Variants in FARS2 observed in about 807,000 individuals in gnomAD.
The protein encoded by FARS2 is phenylalanine--tRNA ligase, mitochondrial.
Under a neutral mutation model 46.4 loss-of-function variants are expected in FARS2, and 40 were observed. The observed-to-expected ratio is 0.86, with a 90% CI of 0.67 to 1.12. The LOEUF (loss-of-function observed/expected upper bound fraction) is 1.12, where lower values mean the gene tolerates loss of function less well. FARS2 is among the 50% of genes most tolerant of loss of function. The pLI is 0.00. For synonymous variants in FARS2, 234 were observed against 214.9 expected, an observed-to-expected ratio of 1.09 and a Z score of -0.78; for missense variants, 513 against 567.9, an observed-to-expected ratio of 0.90 and a Z score of 0.98.
intron 6 of FARS2, among the ~76,000 whole-genome samples, chr6:5,741,625 C>T (rs1472454285): frequency 3.9e-5 from 6 of 152,118 alleles, no homozygotes; most frequent in African/African-American, 1.4e-4. Flanking sequence ...GGCCTGGCTG[C>T]GCTGAAGGAC....
chr6:5,480,520 T>A (rs1284049814), intron 4 of FARS2, among the ~76,000 whole-genome samples: 1 of 152,258 alleles, frequency 6.6e-6, no homozygotes, highest in Non-Finnish European at 1.5e-5. Flanking sequence ...ATGGCATACC[T>A]GTTTTAGTAA....
chr6:5,494,123 T>G (rs1280179287), intron 4 of FARS2, among the ~76,000 whole-genome samples: 93 of 142,856 alleles, frequency 6.5e-4, no homozygotes, highest in African/African-American at 1.7e-3. Context: ...TCCTTTTTTT[T>G]TTCTTTTTTT....
chr6:5,580,892 T>C (rs1435946126), intron 5 of FARS2, among the ~76,000 whole-genome samples: 3 of 152,220 alleles, frequency 2.0e-5, no homozygotes, highest in Non-Finnish European at 4.4e-5. Flanking sequence ...GTGGAAGACA[T>C]AGGTTGCCAA....
intron 6 of FARS2, among the ~76,000 whole-genome samples, chr6:5,631,007 C>T (rs941818371): frequency 1.3e-5 from 2 of 152,166 alleles, no homozygotes; most frequent in Non-Finnish European, 2.9e-5. Context: ...ATTGCCTCCT[C>T]CAAAGGAGAA....
At chr6:5,562,966 G>T (rs771431645) in intron 5 of FARS2, among the ~76,000 whole-genome samples, 3 of 151,886 alleles carry the variant, frequency 2.0e-5, no homozygotes, top group Non-Finnish European at 2.9e-5. Context: ...ACCACGCCCA[G>T]CTAATTTTTG....
At chr6:5,687,630 G>T (rs980117160) in intron 6 of FARS2, among the ~76,000 whole-genome samples, 2 of 152,116 alleles carry the variant, frequency 1.3e-5, no homozygotes, top group Non-Finnish European at 1.5e-5. Context: ...AGTCAGGTAG[G>T]GTGATACCTC....
chr6:5,517,086 CT>C (rs1474610141), intron 4 of FARS2, among the ~76,000 whole-genome samples: 1 of 152,058 alleles, frequency 6.6e-6, no homozygotes, highest in African/African-American at 2.4e-5. Flanking sequence ...AGAAGAGTGT[CT>C]GCGTTTCGCA....
chr6:5,252,190 T>A, the FARS2 span, among the ~76,000 whole-genome samples: 1 of 152,190 alleles, frequency 6.6e-6, no homozygotes, highest in Non-Finnish European at 1.5e-5. Context: ...CAGGTTGATG[T>A]TTCTACAGAT....
At chr6:5,341,227 ATATATATATTTTTTTTTTTT>A (rs1176592004) in intron 1 of FARS2, among the ~76,000 whole-genome samples, 4 of 4,650 alleles carry the variant, frequency 8.6e-4, no homozygotes, top group African/African-American at 3.8e-3. Flanking sequence ...ATATATATAT[ATATATATATTTTTTTTTTTT>A]TTTTTTTTTT....
At chr6:5,566,346 AACTCTC>A (rs1772322701) in intron 5 of FARS2, among the ~76,000 whole-genome samples, 1 of 152,072 alleles carries the variant, frequency 6.6e-6, no homozygotes, top group East Asian at 1.9e-4. Flanking sequence ...TACACACCAA[AACTCTC>A]ACAATGCGAA....
In FARS2 at chr6:5,434,404, G is replaced by A. The variant is rs182884212; in HGVS notation, c.904+3232G>A. Among the ~76,000 whole-genome samples the A allele has an allele frequency of 1.2e-3, 178 of 152,174 alleles. 1 individual carries two copies. Among genetic ancestry groups the A allele is most frequent in the African/African-American group, 3.9e-3 (163 of 41,524 alleles). On this transcript the variant is annotated intron_variant, in intron 4 of 6. Coordinates refer to ENST00000274680, the MANE Select transcript of FARS2 (RefSeq NM_006567.5). ...TAGGATTACAGGCATGAGCCACTGC[G>A]CCCAGCCATAATATTTAAATTAAAT...
intron 1 of FARS2, among the ~76,000 whole-genome samples, chr6:5,313,506 A>T (rs1244259476): frequency 6.6e-6 from 1 of 152,126 alleles, no homozygotes. Flanking sequence ...CATCTAATAG[A>T]TCTTTTCCTG....
chr6:5,256,490 G>GAAAAAAAAAAAAAAAAAAAAAAAAA (rs777995486), upstream of FARS2, among the ~76,000 whole-genome samples: 7 of 37,520 alleles, frequency 1.9e-4, 3 homozygotes, highest in Admixed American at 7.2e-4. Flanking sequence ...GATTTCAACT[G>GAAAAAAAAAAAAAAAAAAAAAAAAA]GAAAAAAAAA....
At chr6:5,505,709 T>C (rs148379684) in intron 4 of FARS2, among the ~76,000 whole-genome samples, 52 of 152,262 alleles carry the variant, frequency 3.4e-4, no homozygotes, top group Admixed American at 3.2e-3. Context: ...CCTGAGAGCA[T>C]TGAACAATCA....
At chr6:5,347,690 G>A (rs1480009855) in intron 1 of FARS2, among the ~76,000 whole-genome samples, 3 of 152,054 alleles carry the variant, frequency 2.0e-5, no homozygotes, top group Admixed American at 6.5e-5. Flanking sequence ...TGAATCATGC[G>A]GTAGGTGTAC....
chr6:5,466,822 T>C lies in FARS2; in HGVS notation c.904+35650T>C, dbSNP rs949400359. 1.9e-5 allele frequency: 19 copies of C among 985,306 alleles called. No individual in the cohort carries two copies. In the African/African-American group the frequency reaches 3.3e-4, roughly 17 times the overall value. 61.0% of individuals were successfully genotyped at this position (985,306 alleles called of 1,614,324 possible). ...GTTGTTACCCACCTCTGAGAAGCAC[T>C]GAGTTGGGAATGGAGCCCATTTGGA... On this transcript the variant is annotated intron_variant, in intron 4 of 6. Transcript: ENST00000274680.
chr6:5,545,225 A>G lies in FARS2; in HGVS notation c.950A>G (p.Glu317Gly). ...GGCTGGGCTTTTGGCCTAGGATTAGAAAGGCTAGCCATGATCCTCTACGAC... is the reference window on the plus strand; with the variant it reads ...GGCTGGGCTTTTGGCCTAGGATTAGGAAGGCTAGCCATGATCCTCTACGAC... Reference protein sequence around the residue: ...RIGWAFGLGLERLAMILYDIP... With the variant: ...RIGWAFGLGLGRLAMILYDIP... Residue 317 changes from glutamate (E) to glycine (G), a missense_variant, in exon 5 of 7, where the codon GAA becomes GGA. Coordinates refer to ENST00000274680, the MANE Select transcript of FARS2 (RefSeq NM_006567.5). The G allele has an allele frequency of 6.2e-7, 1 of 1,614,026 alleles. No homozygotes were observed. The highest frequency in any genetic ancestry group is 8.5e-7 in the Non-Finnish European group (1 of 1,179,906).
intron 5 of FARS2, among the ~76,000 whole-genome samples, chr6:5,594,179 GA>G (rs1774075021): frequency 6.6e-6 from 1 of 152,188 alleles, no homozygotes; most frequent in South Asian, 2.1e-4. Context: ...AGTACTTGGA[GA>G]GTGTTTTCTT....
chr6:5,528,074 T>A (rs1769580875), intron 4 of FARS2, among the ~76,000 whole-genome samples: 1 of 152,244 alleles, frequency 6.6e-6, no homozygotes, highest in African/African-American at 2.4e-5. Context: ...CTTTACGTTT[T>A]CAAAAGGTTC....
Sources: gnomAD v4.1 joint callset for allele counts (sites outside exome capture counted in the v4.1 genomes callset) on GRCh38, gnomAD v4.1.1 for gene constraint, MANE v1.5 for transcripts, NCBI Gene and HGNC (gene_info 2026-07-23, HGNC 2026-07-21) for gene names.